Variants in HS3ST1 observed in about 807,000 individuals in gnomAD.
HS3ST1 encodes the protein heparan sulfate glucosamine 3-O-sulfotransferase 1.
A neutral mutation model predicts 20.7 loss-of-function variants in HS3ST1; 8 were observed. That is an observed-to-expected ratio of 0.39 (90% CI 0.23 to 0.70). The LOEUF is 0.70. Ranked by LOEUF, HS3ST1 falls within the 30% of genes least tolerant of loss-of-function variation. The pLI is 0.46. For synonymous variants in HS3ST1, 205 were observed against 190.4 expected (o/e 1.08, Z -0.63); for missense variants, 436 against 423.4 (o/e 1.03, Z -0.26).
chr4:11,423,049 A>AAAAG (rs1560237599), intron 1 of HS3ST1, among the ~76,000 whole-genome samples: 15 of 149,486 alleles, frequency 1.0e-4, no homozygotes, highest in East Asian at 2.0e-4. Context: ...AAAAAAAAAA[A>AAAAG]GTGCTGAACG....
At chr4:11,409,028 AT>A (rs1718543755) in intron 1 of HS3ST1, among the ~76,000 whole-genome samples, 2 of 152,268 alleles carry the variant, frequency 1.3e-5, no homozygotes, top group Admixed American at 1.3e-4. Context: ...GCCATGTGCC[AT>A]CATCTTGTTC....
At chr4:11,401,935 A>G (rs1156777761) in intron 1 of HS3ST1, among the ~76,000 whole-genome samples, 5 of 152,214 alleles carry the variant, frequency 3.3e-5, no homozygotes, top group African/African-American at 1.2e-4. Context: ...GCTATCCCCT[A>G]AAGAGGAGAT....
chr4:11,415,123 T>G (rs1346995630), intron 1 of HS3ST1, among the ~76,000 whole-genome samples: 1 of 152,172 alleles, frequency 6.6e-6, no homozygotes, highest in African/African-American at 2.4e-5. Context: ...AGAAGGCACC[T>G]GAGGAAAGTT....
chr4:11,403,119 C>CAT (rs1459497325), intron 1 of HS3ST1, among the ~76,000 whole-genome samples: 1 of 152,054 alleles, frequency 6.6e-6, no homozygotes, highest in African/African-American at 2.4e-5. Context: ...CTATATATAG[C>CAT]ATATATATCA....
chr4:11,421,479 G>A (rs1303126250), intron 1 of HS3ST1, among the ~76,000 whole-genome samples: 2 of 152,142 alleles, frequency 1.3e-5, no homozygotes, highest in Admixed American at 6.5e-5. Context: ...TGTATTTTTC[G>A]GAGCACAGCT....
chr4:11,400,178 T>G, intron 1 of HS3ST1, 65 bp from the exon 2 acceptor site: 12 of 1,337,848 alleles, frequency 9.0e-6, no homozygotes, highest in East Asian at 2.6e-5. Context: ...CTAACAACTC[T>G]GTAGCCACTC....
At chr4:11,432,190 G>T (rs965772918), upstream of HS3ST1, among the ~76,000 whole-genome samples, 1 of 152,156 alleles carries the variant, frequency 6.6e-6, no homozygotes, top group Non-Finnish European at 1.5e-5. Context: ...GAGAGAAGTT[G>T]CTTCTTTTGA....
chr4:11,404,657 G>T (rs1357143539), intron 1 of HS3ST1, among the ~76,000 whole-genome samples: 5 of 152,204 alleles, frequency 3.3e-5, no homozygotes, highest in Non-Finnish European at 5.9e-5. Context: ...AGGCAAATTC[G>T]ATCTTCTCCC....
chr4:11,400,689 T>C (rs1335508673), intron 1 of HS3ST1, among the ~76,000 whole-genome samples: 1 of 152,152 alleles, frequency 6.6e-6, no homozygotes, highest in African/African-American at 2.4e-5. Context: ...CTGCCCCCAC[T>C]CTTCCAGCCA....
chr4:11,422,504 A>G (rs2108890311), intron 1 of HS3ST1, among the ~76,000 whole-genome samples: 1 of 152,344 alleles, frequency 6.6e-6, no homozygotes, highest in Middle Eastern at 3.4e-3. Flanking sequence ...GAAGGTGATG[A>G]AAGGGAAATA....
chr4:11,415,885 C>A (rs985269226), intron 1 of HS3ST1, among the ~76,000 whole-genome samples: 4 of 152,124 alleles, frequency 2.6e-5, no homozygotes, highest in Non-Finnish European at 5.9e-5. Flanking sequence ...ACCAAATGAC[C>A]CAATGACAAT....
chr4:11,431,635 A>T (rs932968900), upstream of HS3ST1, among the ~76,000 whole-genome samples: 4 of 152,192 alleles, frequency 2.6e-5, no homozygotes, highest in Non-Finnish European at 5.9e-5. Context: ...ACAGACACGC[A>T]CAGACATGAG....
At chr4:11,415,189 T>C (rs1718741484) in intron 1 of HS3ST1, among the ~76,000 whole-genome samples, 2 of 152,206 alleles carry the variant, frequency 1.3e-5, no homozygotes, top group Non-Finnish European at 1.5e-5. Flanking sequence ...ATGTCCAGGC[T>C]AAAGTATGTA....
chr4:11,418,305 A>G (rs969315775), intron 1 of HS3ST1, among the ~76,000 whole-genome samples: 1 of 152,208 alleles, frequency 6.6e-6, no homozygotes, highest in African/African-American at 2.4e-5. Flanking sequence ...CAGCAAGAAA[A>G]ATAATCATTG....
chr4:11,420,482 A>G (rs1457542975), intron 1 of HS3ST1, among the ~76,000 whole-genome samples: 1 of 152,228 alleles, frequency 6.6e-6, no homozygotes, highest in Non-Finnish European at 1.5e-5. Flanking sequence ...GTATCCCTTC[A>G]GTGTACTCAG....
chr4:11,415,462 A>G (rs1480879686), intron 1 of HS3ST1, among the ~76,000 whole-genome samples: 1 of 152,254 alleles, frequency 6.6e-6, no homozygotes, highest in East Asian at 1.9e-4. Context: ...TATTCACTCA[A>G]TCAATAATAG....
intron 1 of HS3ST1, among the ~76,000 whole-genome samples, chr4:11,421,263 C>T (rs1718927155): frequency 6.6e-6 from 1 of 152,210 alleles, no homozygotes; most frequent in Non-Finnish European, 1.5e-5. Context: ...GCCAGAAATT[C>T]AAACATACAT....
chr4:11,422,001 C>T (rs1323187423), intron 1 of HS3ST1, among the ~76,000 whole-genome samples: 1 of 152,216 alleles, frequency 6.6e-6, no homozygotes, highest in African/African-American at 2.4e-5. Context: ...GGTATTGTCA[C>T]ATTATGTGAA....
At chr4:11,414,026 G>C (rs929067634) in intron 1 of HS3ST1, 1 of 152,116 alleles carries the variant, frequency 6.6e-6, no homozygotes. Context: ...GCATGAGATA[G>C]GCTTCTTTCC....
Sources: allele counts gnomAD v4.1 joint callset (sites outside exome capture counted in the v4.1 genomes callset), GRCh38; gene constraint gnomAD v4.1.1; transcripts MANE v1.5; gene names NCBI Gene and HGNC (gene_info 2026-07-23, HGNC 2026-07-21).